Variants in KCNQ1 observed in about 807,000 individuals in gnomAD.
The protein encoded by KCNQ1 is potassium voltage-gated channel subfamily Q member 1.
In KCNQ1, 49 loss-of-function variants were observed where a neutral mutation model predicts 72.4. That is an observed-to-expected ratio of 0.68 (90% confidence interval 0.54 to 0.86). The LOEUF (loss-of-function observed/expected upper bound fraction) is 0.86. KCNQ1 is among the 40% of genes least tolerant of loss of function. The probability of loss-of-function intolerance (pLI) is 0.00; values close to 1 mark genes in which losing one functional copy is unlikely to be tolerated. For missense variants in KCNQ1, 790 were observed against 945.1 expected (o/e 0.84, Z 2.15); for synonymous variants, 450 against 412.6 (o/e 1.09, Z -1.10).
At chr11:2,700,505 C>T (rs1055376509) in intron 11 of KCNQ1, among the ~76,000 whole-genome samples, 8 of 152,014 alleles carry the variant, frequency 5.3e-5, no homozygotes, top group Non-Finnish European at 1.2e-4. Context: ...CAGCGACCCT[C>T]GAACCCGGGC....
chr11:2,769,864 A>G lies in KCNQ1; in HGVS notation c.1590+945A>G, dbSNP rs574816290. Among the ~76,000 whole-genome samples the G allele has an allele frequency of 6.6e-5, 10 of 152,066 alleles. No individual in the cohort carries two copies. The highest frequency in any genetic ancestry group is 2.2e-4 in the African/African-American group (9 of 41,468). On this transcript the variant is annotated intron_variant, in intron 12 of 15. Coordinates refer to ENST00000155840, the MANE Select transcript of KCNQ1 (RefSeq NM_000218.3). This position sits in a 1 kb window ranked among gnomAD's most constrained non-coding sequence, Gnocchi z 4.6. ...CCTCAGCCACAGCCTCACCAGTCATAAGGCACAGCCCAGGAAGGCTCAGCA... is the reference window on the plus strand; with the variant it reads ...CCTCAGCCACAGCCTCACCAGTCATGAGGCACAGCCCAGGAAGGCTCAGCA...
At chr11:2,843,989 G>A (rs1848265127) in intron 15 of KCNQ1, among the ~76,000 whole-genome samples, 1 of 152,188 alleles carries the variant, frequency 6.6e-6, no homozygotes, top group Non-Finnish European at 1.5e-5. Flanking sequence ...CCAGTGCCTA[G>A]AGCATGCACT....
At position 2,593,561 on chromosome 11, in the gene KCNQ1, G is replaced by A. The variant is rs1201450284; in HGVS notation, c.1393+4707G>A. Among the ~76,000 whole-genome samples, 2 of 152,194 alleles carry A rather than the reference G, an allele frequency of 1.3e-5. No homozygotes were observed. Among genetic ancestry groups the A allele is most frequent in the African/African-American group, 2.4e-5 (1 of 41,450 alleles). ...GCCAGGTGACCTGGGACTATTGTGTGGTTTCCCGTTTGTGAAGTGGGGCAG... is the reference window on the plus strand; with the variant it reads ...GCCAGGTGACCTGGGACTATTGTGTAGTTTCCCGTTTGTGAAGTGGGGCAG... On this transcript the variant is annotated intron_variant, in intron 10 of 15. Transcript: ENST00000155840. The surrounding 1 kb of genome is among the most constrained non-coding windows in gnomAD (Gnocchi z 6.9).
chr11:2,739,507 T>C (rs1208176412), intron 11 of KCNQ1, among the ~76,000 whole-genome samples: 1 of 152,226 alleles, frequency 6.6e-6, no homozygotes, highest in Non-Finnish European at 1.5e-5. Flanking sequence ...AAAAAGGACA[T>C]TTCGTAGAAC....
In KCNQ1 at chr11:2,768,885, G is replaced by A. The variant is rs199472788; in HGVS notation, c.1556G>A (p.Arg519His). ...HHRATIKVIR[R>H]MQYFVAKKKF... Reference sequence around the variant, plus strand: ...CGGGCCACCATTAAGGTCATTCGACGCATGCAGTACTTTGTGGCCAAGAAG... The same window carrying A: ...CGGGCCACCATTAAGGTCATTCGACACATGCAGTACTTTGTGGCCAAGAAG... The change falls in exon 12 of 16, where the codon CGC (arginine) becomes CAC (histidine). Residue 519 changes from arginine (R) to histidine (H), a missense_variant. By Grantham distance (29) the Arg-to-His change is conservative. Transcript: ENST00000155840. The surrounding 1 kb of genome is among the most constrained non-coding windows in gnomAD (Gnocchi z 6.7). 41 of 1,613,920 alleles carry A rather than the reference G, an allele frequency of 2.5e-5. No homozygotes were observed. In the East Asian group the frequency reaches 4.0e-4, roughly 16 times the overall value.
chr11:2,664,075 C>T lies in KCNQ1; in HGVS notation c.1514+1994C>T, dbSNP rs939173547. 106 of 398,764 alleles carry T rather than the reference C, an allele frequency of 2.7e-4. No individual in the cohort carries two copies. Among genetic ancestry groups the T allele is most frequent in the Middle Eastern group, 2.5e-3 (4 of 1,586 alleles). 24.7% of individuals were successfully genotyped at this position (398,764 alleles called of 1,614,324 possible). ...CCCATGGCCTCCAGTGATAAGTGGG[C>T]CCAGGCAGGTCAGAGACTCCAGTCA... On this transcript the variant is annotated intron_variant, in intron 11 of 15. Transcript: ENST00000155840. The surrounding 1 kb of genome is among the most constrained non-coding windows in gnomAD (Gnocchi z 5.1).
intron 1 of KCNQ1, among the ~76,000 whole-genome samples, 172 bp from the exon 2 acceptor site, chr11:2,527,756 G>C (rs981049344): frequency 1.3e-5 from 2 of 152,238 alleles, no homozygotes; most frequent in African/African-American, 4.8e-5. Context: ...GGCATCCCTC[G>C]TGCGGACCTA....
intron 15 of KCNQ1, among the ~76,000 whole-genome samples, chr11:2,845,799 G>A (rs1187012348): frequency 6.6e-6 from 1 of 152,158 alleles, no homozygotes; most frequent in Non-Finnish European, 1.5e-5. Flanking sequence ...CCAGGTGGAG[G>A]CTGCCCACCT....
At chr11:2,490,932 C>T (rs148612928) in intron 1 of KCNQ1, among the ~76,000 whole-genome samples, 2 of 152,136 alleles carry the variant, frequency 1.3e-5, no homozygotes, top group Non-Finnish European at 2.9e-5. Context: ...TCTTGAACTC[C>T]CGACCTCAGG....
intron 15 of KCNQ1, among the ~76,000 whole-genome samples, chr11:2,789,805 C>T (rs577839714): frequency 1.3e-5 from 2 of 152,346 alleles, no homozygotes; most frequent in East Asian, 1.9e-4. Context: ...TTTTTCCCCC[C>T]AGTAAAGTGA....
At chr11:2,846,396 C>T (rs567766835) in intron 15 of KCNQ1, among the ~76,000 whole-genome samples, 34 of 152,306 alleles carry the variant, frequency 2.2e-4, no homozygotes, top group Middle Eastern at 3.4e-3. Context: ...CAGGTACCCA[C>T]GGTGGGGGAG....
Position 2,650,934 on chromosome 11 carries a change from T to A in KCNQ1, c.1394-11027T>A, listed in dbSNP as rs77809463. 3.8e-3 allele frequency: 1,503 copies of A among 398,552 alleles called. 9 individuals are homozygous for A. Among genetic ancestry groups the A allele is most frequent in the Non-Finnish European group, 5.0e-3 (1,140 of 226,058 alleles). The allele number at this position is 398,552 out of a possible 1,614,324, so 24.7% of individuals were successfully genotyped here. On this transcript the variant is annotated intron_variant, in intron 10 of 15. Coordinates refer to ENST00000155840, the MANE Select transcript of KCNQ1 (RefSeq NM_000218.3). Reference sequence around the variant, plus strand: ...GCCTGGCTGAAAGTCTTTTTTAAATTATCCTTTTTTCTTAGTACCCCTTTC... The same window carrying A: ...GCCTGGCTGAAAGTCTTTTTTAAATAATCCTTTTTTCTTAGTACCCCTTTC...
At chr11:2,644,552 AT>A in intron 10 of KCNQ1, 2 of 398,200 alleles carry the variant, frequency 5.0e-6, no homozygotes, top group Non-Finnish European at 8.8e-6. Flanking sequence ...GGTTTCATCA[AT>A]TTCTTTTTCA....
intron 15 of KCNQ1, among the ~76,000 whole-genome samples, chr11:2,839,142 C>T (rs569210819): frequency 3.3e-5 from 5 of 152,224 alleles, no homozygotes; most frequent in African/African-American, 4.8e-5. Flanking sequence ...GGGGGAGGCT[C>T]GAGACCCCAT....
intron 15 of KCNQ1, chr11:2,839,809 T>G (rs1273868908): frequency 6.6e-6 from 1 of 152,214 alleles, no homozygotes; most frequent in East Asian, 1.9e-4. Context: ...TGAGGTCACC[T>G]GGGAGAGGTG....
At position 2,539,954 on chromosome 11, in the gene KCNQ1, G is replaced by A. The variant is rs1016677731; in HGVS notation, c.477+11936G>A. Among the ~76,000 whole-genome samples, 18 of 152,332 alleles carry A rather than the reference G, an allele frequency of 1.2e-4. No homozygotes were observed. The Middle Eastern group carries it at 0.01, about 86-fold the overall frequency. On this transcript the variant is annotated intron_variant, in intron 2 of 15. Coordinates refer to ENST00000155840, the MANE Select transcript of KCNQ1 (RefSeq NM_000218.3). Reference sequence around the variant, plus strand: ...CCAGCTGGAGAGCCTCGCTTGAAGCGCAGGGCAGCAGCTGACACAACACAA... The same window carrying A: ...CCAGCTGGAGAGCCTCGCTTGAAGCACAGGGCAGCAGCTGACACAACACAA...
rs192695822 is a variant in KCNQ1 at position 2,607,779 on chromosome 11, A to G, written c.1393+18925A>G. Among the ~76,000 whole-genome samples the G allele has an allele frequency of 1.1e-4, 16 of 152,328 alleles. No homozygotes were observed. In the East Asian group the frequency reaches 2.9e-3, roughly 28 times the overall value. On this transcript the variant is annotated intron_variant, in intron 10 of 15. Transcript: ENST00000155840. ...TACATTAATTGATTTTCAGATGTTA[A>G]TTCAACCTTGCATTCCTGAAATAAG...
Position 2,491,613 on chromosome 11 carries a change from C to T in KCNQ1, c.387-36315C>T, listed in dbSNP as rs7931487. ...AAAGGGCAAATCTAAGATTTATTGA[C>T]CTTAAAGAGGAGGTAGAGAAAGAGA... On this transcript the variant is annotated intron_variant, in intron 1 of 15. Transcript: ENST00000155840. This position sits in a 1 kb window ranked among gnomAD's most constrained non-coding sequence, Gnocchi z 4.1. Among the ~76,000 whole-genome samples, 1,263 of 152,062 alleles carry T rather than the reference C, an allele frequency of 8.3e-3. 14 individuals carry two copies. The highest frequency in any genetic ancestry group is 0.029 in the African/African-American group (1,214 of 41,450).
chr11:2,665,802 AGG>A (rs937526617), intron 11 of KCNQ1: 9 of 398,494 alleles, frequency 2.3e-5, no homozygotes, highest in Non-Finnish European at 4.0e-5. Flanking sequence ...AGATGAAGCA[AGG>A]ACTGCAGACA....
Sources: gnomAD v4.1 joint callset for allele counts (sites outside exome capture counted in the v4.1 genomes callset) on GRCh38, gnomAD v4.1.1 for gene constraint, Gnocchi (gnomAD v3.1) non-coding constraint, MANE v1.5 for transcripts, NCBI Gene and HGNC (gene_info 2026-07-23, HGNC 2026-07-21) for gene names.